The following VPS13B variants were observed in gnomAD, a reference collection of about 807,000 sequenced individuals.
VPS13B encodes vacuolar protein sorting 13 homolog B, also known as intermembrane lipid transfer protein VPS13B.
In VPS13B, 285 loss-of-function variants were observed where a neutral mutation model predicts 426.4. The observed-to-expected ratio is 0.67, with a 90% CI of 0.61 to 0.74. VPS13B has a LOEUF of 0.74. VPS13B is among the 30% of genes least tolerant of loss of function. VPS13B has a pLI of 0.00. For synonymous variants in VPS13B, 1,676 were observed against 1,676.4 expected, an observed-to-expected ratio of 1.00 and a Z score of 0.01; for missense variants, 4,537 against 4,782.6, an observed-to-expected ratio of 0.95 and a Z score of 1.51.
At chr8:99,778,250 T>A (rs1272252500) in intron 41 of VPS13B, among the ~76,000 whole-genome samples, 15 of 144,208 alleles carry the variant, frequency 1.0e-4, no homozygotes, top group African/African-American at 3.8e-4. Flanking sequence ...AAAAAAAAAA[T>A]AGCTGTTGTT....
At chr8:99,120,739 T>C in intron 7 of VPS13B, among the ~76,000 whole-genome samples, 1 of 152,100 alleles carries the variant, frequency 6.6e-6, no homozygotes, top group East Asian at 1.9e-4. Flanking sequence ...CCTCCATGGG[T>C]GCTGATCAGG....
chr8:99,405,010 G>C (rs1051395341), intron 21 of VPS13B, among the ~76,000 whole-genome samples: 1 of 152,120 alleles, frequency 6.6e-6, no homozygotes, highest in African/African-American at 2.4e-5. Context: ...TAGCCTTGTG[G>C]TAAAATTTTA....
In VPS13B at chr8:99,481,810, T is replaced by C; in HGVS notation, c.3870+8T>C. 6.2e-7 allele frequency: 1 copy of C among 1,613,472 alleles called. No homozygotes were observed. Among genetic ancestry groups the C allele is most frequent in the Non-Finnish European group, 8.5e-7 (1 of 1,179,634 alleles). On this transcript the variant is annotated splice_region_variant and intron_variant, in intron 25 of 61. Transcript: ENST00000357162. ...ATTGGGACTACTACTGAGGTAAGTG[T>C]TTTTGAAAATCCTGTTACAAAATGA...
At chr8:99,125,184 G>A (rs564545452) in intron 8 of VPS13B, among the ~76,000 whole-genome samples, 1 of 152,276 alleles carries the variant, frequency 6.6e-6, no homozygotes, top group South Asian at 2.1e-4. Context: ...CAAAAGCAGG[G>A]AAGCTGACGG....
intron 31 of VPS13B, among the ~76,000 whole-genome samples, chr8:99,564,714 C>T (rs7835824): frequency 0.17 from 26,522 of 152,196 alleles, 2,833 homozygotes; most frequent in East Asian, 0.39. Flanking sequence ...AAACTCTAAA[C>T]TCTGAATTAT....
intron 10 of VPS13B, 46 bp from the exon 11 acceptor site, chr8:99,135,550 G>C: frequency 6.3e-7 from 1 of 1,599,182 alleles, no homozygotes; most frequent in Non-Finnish European, 8.5e-7. Flanking sequence ...TGTTTAACAG[G>C]CTAATGGTTT....
chr8:99,072,231 G>C (rs1331355827), intron 3 of VPS13B, among the ~76,000 whole-genome samples: 1 of 152,124 alleles, frequency 6.6e-6, no homozygotes, highest in Non-Finnish European at 1.5e-5. Context: ...CTAGACCCAC[G>C]GTGAGTACTA....
chr8:99,711,148 T>G (rs1832694091), intron 36 of VPS13B, among the ~76,000 whole-genome samples: 1 of 152,216 alleles, frequency 6.6e-6, no homozygotes, highest in Non-Finnish European at 1.5e-5. Context: ...GGTTAACCTT[T>G]CTGTGGTACT....
At chr8:99,238,470 G>C (rs775931275) in intron 17 of VPS13B, among the ~76,000 whole-genome samples, 1 of 152,196 alleles carries the variant, frequency 6.6e-6, no homozygotes, top group Non-Finnish European at 1.5e-5. Context: ...GAGCTCAGCT[G>C]TGTAGGATAA....
intron 51 of VPS13B, among the ~76,000 whole-genome samples, chr8:99,824,628 G>A (rs1814568663): frequency 6.6e-6 from 1 of 150,400 alleles, no homozygotes. Flanking sequence ...TTAAGTTCTG[G>A]GATACATGTG....
rs537630336 is a variant in VPS13B, at chr8:99,874,319, G to A, written c.11746-1099G>A. 6.8e-4 allele frequency among the ~76,000 whole-genome samples: 104 copies of A among 152,256 alleles called. 1 individual carries two copies. Among genetic ancestry groups the A allele is most frequent in the Non-Finnish European group, 5.3e-4 (36 of 68,024 alleles). On this transcript the variant is annotated intron_variant, in intron 61 of 61. Coordinates refer to ENST00000357162, the MANE Select transcript of VPS13B (RefSeq NM_152564.5). ...TTTTGCCTGGTGGTGCAGAGCTTTCGTCTGTTAGTGAATCTTTGGGGACCG... is the reference window on the plus strand; with the variant it reads ...TTTTGCCTGGTGGTGCAGAGCTTTCATCTGTTAGTGAATCTTTGGGGACCG...
chr8:99,803,178 A>G (rs374220298), intron 43 of VPS13B, among the ~76,000 whole-genome samples: 2 of 152,224 alleles, frequency 1.3e-5, no homozygotes, highest in African/African-American at 4.8e-5. Context: ...TAGGTATTAC[A>G]AGTAAGATTT....
At chr8:99,831,659 AAACT>A (rs1815068203) in intron 51 of VPS13B, among the ~76,000 whole-genome samples, 1 of 152,238 alleles carries the variant, frequency 6.6e-6, no homozygotes, top group Non-Finnish European at 1.5e-5. Flanking sequence ...AGGAAAAAAT[AAACT>A]AACAATACAA....
At chr8:99,783,740 G>GT (rs1299757128) in intron 42 of VPS13B, among the ~76,000 whole-genome samples, 1 of 152,144 alleles carries the variant, frequency 6.6e-6, no homozygotes, top group East Asian at 1.9e-4. Flanking sequence ...GATCTGTTTT[G>GT]TATGTTCAGC....
At chr8:99,274,868 T>C (rs1404270295) in intron 18 of VPS13B, among the ~76,000 whole-genome samples, 1 of 152,138 alleles carries the variant, frequency 6.6e-6, no homozygotes, top group African/African-American at 2.4e-5. Context: ...TTATAAGCTT[T>C]TCTGGACATG....
At chr8:99,169,993 A>G (rs1812233027) in intron 15 of VPS13B, 46 bp from the exon 16 acceptor site, 1 of 1,609,448 alleles carries the variant, frequency 6.2e-7, no homozygotes, top group South Asian at 1.1e-5. Flanking sequence ...TGTGCTTATT[A>G]AAACTTTGTC....
chr8:99,408,467 G>A (rs966618256), intron 21 of VPS13B, among the ~76,000 whole-genome samples: 9 of 152,082 alleles, frequency 5.9e-5, no homozygotes, highest in African/African-American at 1.7e-4. Context: ...TTGTTTGTTC[G>A]TTTGTTTTTG....
At chr8:99,812,505 C>T (rs562713083) in intron 44 of VPS13B, among the ~76,000 whole-genome samples, 9 of 152,302 alleles carry the variant, frequency 5.9e-5, no homozygotes, top group African/African-American at 2.2e-4. Context: ...TTAACACCCC[C>T]TGGATAATGG....
chr8:99,750,915 G>T (rs1563899051), intron 39 of VPS13B, among the ~76,000 whole-genome samples: 1 of 152,092 alleles, frequency 6.6e-6, no homozygotes, highest in South Asian at 2.1e-4. Context: ...AAACTGAATG[G>T]AGACAAACTG....
Sources: gnomAD v4.1 joint callset for allele counts (sites outside exome capture counted in the v4.1 genomes callset) on GRCh38, gnomAD v4.1.1 for gene constraint, MANE v1.5 for transcripts, NCBI Gene and HGNC (gene_info 2026-07-23, HGNC 2026-07-21) for gene names.